The following KLF7 variants were observed in gnomAD, a reference collection of about 807,000 sequenced individuals.
The protein encoded by KLF7 is Krueppel-like factor 7.
A neutral mutation model predicts 27.3 loss-of-function variants in KLF7; 2 were observed. That is an observed-to-expected ratio of 0.07 (90% confidence interval 0.03 to 0.23). The LOEUF (loss-of-function observed/expected upper bound fraction) is 0.23, where lower values mean the gene tolerates loss of function less well. KLF7 is among the 10% of genes least tolerant of loss of function. The probability of loss-of-function intolerance (pLI) is 1.00; values close to 1 mark genes in which losing one functional copy is unlikely to be tolerated. For missense variants in KLF7, 221 were observed against 394.1 expected, an observed-to-expected ratio of 0.56 and a Z score of 3.72; for synonymous variants, 165 against 162.4, an observed-to-expected ratio of 1.02 and a Z score of -0.12.
chr2:207,138,034 A>C (rs2077836754), intron 1 of KLF7, among the ~76,000 whole-genome samples: 1 of 152,182 alleles, frequency 6.6e-6, no homozygotes, highest in Non-Finnish European at 1.5e-5. Context: ...CTGGCACCTC[A>C]CTTAACCTTA....
intron 2 of KLF7, among the ~76,000 whole-genome samples, chr2:207,119,855 C>G (rs1367454473): frequency 1.3e-5 from 2 of 152,160 alleles, no homozygotes; most frequent in African/African-American, 4.8e-5. Context: ...AGGCACGCGC[C>G]ACACGCCCAG....
chr2:207,166,716 A>T, upstream of KLF7: 1 of 817,626 alleles, frequency 1.2e-6, no homozygotes, highest in Non-Finnish European at 1.5e-6. Flanking sequence ...GGCACGGGGC[A>T]GGGACCCGCG....
intron 1 of KLF7, among the ~76,000 whole-genome samples, chr2:207,154,417 A>G (rs755555127): frequency 1.3e-5 from 2 of 152,236 alleles, no homozygotes; most frequent in Non-Finnish European, 2.9e-5. Context: ...GCAAATTCCA[A>G]GGATGTCAAA....
chr2:207,131,573 G>A (rs982710405), intron 1 of KLF7, among the ~76,000 whole-genome samples: 6 of 152,116 alleles, frequency 3.9e-5, no homozygotes, highest in South Asian at 2.1e-4. Context: ...CTTACTAGAC[G>A]TGTTTACATA....
At chr2:207,166,176 A>G, upstream of KLF7, 5 of 985,686 alleles carry the variant, frequency 5.1e-6, no homozygotes, top group South Asian at 4.7e-5. Context: ...GGCGTCCATT[A>G]GGCCGCGTGT....
At chr2:207,129,472 C>A (rs965652697) in intron 1 of KLF7, among the ~76,000 whole-genome samples, 30 of 152,192 alleles carry the variant, frequency 2.0e-4, no homozygotes, top group African/African-American at 7.2e-4. Flanking sequence ...CACAGATGAG[C>A]TTTGTGAAGA....
intron 3 of KLF7, among the ~76,000 whole-genome samples, chr2:207,084,495 C>T (rs920911625): frequency 6.6e-6 from 1 of 151,996 alleles, no homozygotes; most frequent in Non-Finnish European, 1.5e-5. Flanking sequence ...TGTAACTGCA[C>T]CCCTACTGAA....
At chr2:207,131,412 G>T (rs188836286) in intron 1 of KLF7, among the ~76,000 whole-genome samples, 12 of 152,304 alleles carry the variant, frequency 7.9e-5, no homozygotes, top group Admixed American at 7.8e-4. Context: ...TCCTGGGAGG[G>T]TCCCAAAGTT....
intron 1 of KLF7, among the ~76,000 whole-genome samples, chr2:207,158,504 G>A (rs1243610321): frequency 2.0e-5 from 3 of 152,110 alleles, no homozygotes; most frequent in Admixed American, 6.5e-5. Context: ...GCAATTTCAC[G>A]TTTGTTGCTT....
chr2:207,157,944 G>A (rs1463439226), intron 1 of KLF7, among the ~76,000 whole-genome samples: 1 of 152,136 alleles, frequency 6.6e-6, no homozygotes, highest in African/African-American at 2.4e-5. Context: ...GATGAGTTAG[G>A]GGTTTAGGAC....
At position 207,100,178 on chromosome 2, in the gene KLF7, C is replaced by A. The variant is rs147593097; in HGVS notation, c.734-11597G>T. ...CAAATTAGATAATTTATATCCAGAT[C>A]ATGGAGAGAAGGGCCCTCCCTGGGC... On this transcript the variant is annotated intron_variant, in intron 2 of 3. Coordinates refer to ENST00000309446, the MANE Select transcript of KLF7 (RefSeq NM_003709.4). Among the ~76,000 whole-genome samples, 47 of 152,244 alleles carry A rather than the reference C, an allele frequency of 3.1e-4. 1 individual carries two copies. The highest frequency in any genetic ancestry group is 9.2e-4 in the African/African-American group (38 of 41,528).
rs10183404 is a variant in KLF7, at chr2:207,156,019, G to A, written c.102+9448C>T. On this transcript the variant is annotated intron_variant, in intron 1 of 3. Coordinates refer to ENST00000309446, the MANE Select transcript of KLF7 (RefSeq NM_003709.4). ...AAGAGCAGGTGGGCACTCCCTTGCA[G>A]GGCAATTGCTCCACGGCTAATTGCC... Among the ~76,000 whole-genome samples, 453 of 152,316 alleles carry A rather than the reference G, an allele frequency of 3.0e-3. 1 individual carries two copies. The highest frequency in any genetic ancestry group is 0.011 in the African/African-American group (444 of 41,572).
intron 1 of KLF7, among the ~76,000 whole-genome samples, chr2:207,127,731 T>C (rs61667702): frequency 0.012 from 1,791 of 152,044 alleles, 35 homozygotes; most frequent in African/African-American, 0.041. Context: ...TAATCCCAGC[T>C]ACTCGGGAGG....
chr2:207,089,360 T>C (rs975730263), intron 2 of KLF7, among the ~76,000 whole-genome samples: 1 of 152,222 alleles, frequency 6.6e-6, no homozygotes. Flanking sequence ...CTTATAAGCA[T>C]GAAATTCAAA....
At chr2:207,132,533 G>C (rs1005574213) in intron 1 of KLF7, among the ~76,000 whole-genome samples, 4 of 152,254 alleles carry the variant, frequency 2.6e-5, no homozygotes, top group African/African-American at 9.6e-5. Flanking sequence ...TGGGTGGTGA[G>C]GATGTTGGAG....
chr2:207,143,736 G>A (rs1480710781), intron 1 of KLF7, among the ~76,000 whole-genome samples: 1 of 152,186 alleles, frequency 6.6e-6, no homozygotes, highest in African/African-American at 2.4e-5. Context: ...CGCCTTCAGC[G>A]AGGGCTCCAG....
chr2:207,135,913 G>A (rs1451801283), intron 1 of KLF7, among the ~76,000 whole-genome samples: 3 of 152,172 alleles, frequency 2.0e-5, no homozygotes, highest in African/African-American at 7.2e-5. Context: ...CTGAGAGTAT[G>A]CACCTGTGTT....
In KLF7 at chr2:207,165,623, G is replaced by C; in HGVS notation, c.-55C>G. 6.2e-7 allele frequency: 1 copy of C among 1,610,270 alleles called. No individual in the cohort carries two copies. The highest frequency in any genetic ancestry group is 1.1e-5 in the South Asian group (1 of 90,880). On this transcript the variant is annotated 5_prime_UTR_variant, in exon 1 of 4. Coordinates refer to ENST00000309446, the MANE Select transcript of KLF7 (RefSeq NM_003709.4). ...AAACCCTCCCCCGAACACAGTTGGG[G>C]CTGTTTGTTTGTCAGTCTGTCTGGC...
intron 3 of KLF7, among the ~76,000 whole-genome samples, chr2:207,081,737 G>A (rs1329580549): frequency 6.6e-6 from 1 of 151,752 alleles, no homozygotes; most frequent in Non-Finnish European, 1.5e-5. Flanking sequence ...TATCATCAAA[G>A]GGTGGAACTT....
Sources: allele counts gnomAD v4.1 joint callset (sites outside exome capture counted in the v4.1 genomes callset), GRCh38; gene constraint gnomAD v4.1.1; transcripts MANE v1.5; gene names NCBI Gene and HGNC (gene_info 2026-07-23, HGNC 2026-07-21).